Variants in PPP3CA observed in about 807,000 individuals in gnomAD.
PPP3CA encodes the protein protein phosphatase 3 catalytic subunit alpha.
Under a neutral mutation model 66.5 loss-of-function variants are expected in PPP3CA, and 14 were observed. The ratio of observed to expected loss-of-function variants is 0.21; its 90% CI spans 0.14 to 0.33. PPP3CA has a LOEUF of 0.33. PPP3CA is among the 10% of genes least tolerant of loss of function. The pLI is 1.00. For synonymous variants in PPP3CA, 232 were observed against 226.2 expected (o/e 1.03, Z -0.23); for missense variants, 317 against 639.5 (o/e 0.50, Z 5.44).
intron 2 of PPP3CA, among the ~76,000 whole-genome samples, chr4:101,157,440 G>A (rs1400990265): frequency 6.6e-6 from 1 of 152,176 alleles, no homozygotes; most frequent in East Asian, 1.9e-4. Context: ...GAAATGAAAA[G>A]TAGGACTTAG....
intron 2 of PPP3CA, among the ~76,000 whole-genome samples, chr4:101,151,558 CA>C (rs139727679): frequency 0.069 from 5,114 of 74,174 alleles, 135 homozygotes; most frequent in Middle Eastern, 0.24. Context: ...GACTCTGTAT[CA>C]AAAAAAAAAA....
chr4:101,139,331 G>C (rs553565434), intron 2 of PPP3CA, among the ~76,000 whole-genome samples: 4 of 132,734 alleles, frequency 3.0e-5, no homozygotes, highest in African/African-American at 6.2e-5. Context: ...CTGGGTGACA[G>C]AGTGAGACTC....
At chr4:101,039,550 C>T (rs552114593) in intron 11 of PPP3CA, among the ~76,000 whole-genome samples, 1 of 144,426 alleles carries the variant, frequency 6.9e-6, no homozygotes, top group African/African-American at 2.5e-5. Context: ...AGAGTTCTCA[C>T]TGCCTTTGAT....
chr4:101,241,126 T>TA lies in PPP3CA; in HGVS notation c.59-45011dup, dbSNP rs1322121759. On this transcript the variant is annotated intron_variant, in intron 1 of 13. Transcript: ENST00000394854. ...AAGCAATCCTCCTGCTTCAGCCTCC[T>TA]AAAGTTCTGGGATTACAAGCATAAG... 3.3e-5 allele frequency among the ~76,000 whole-genome samples: 5 copies of TA among 152,026 alleles called. No homozygotes were observed. The East Asian group carries it at 5.8e-4, about 18-fold the overall frequency.
chr4:101,115,295 G>C (rs553891272), intron 2 of PPP3CA, among the ~76,000 whole-genome samples: 1 of 151,918 alleles, frequency 6.6e-6, no homozygotes, highest in Non-Finnish European at 1.5e-5. Context: ...AGGCCTTTGA[G>C]AATAGAATCT....
intron 1 of PPP3CA, among the ~76,000 whole-genome samples, chr4:101,219,664 C>T (rs1366373178): frequency 2.0e-5 from 3 of 151,548 alleles, no homozygotes; most frequent in Non-Finnish European, 4.4e-5. Context: ...TAAGGCAATC[C>T]TAAAAGTAGT....
At chr4:101,059,199 CTA>C (rs1248245802) in intron 10 of PPP3CA, among the ~76,000 whole-genome samples, 1 of 152,052 alleles carries the variant, frequency 6.6e-6, no homozygotes, top group African/African-American at 2.4e-5. Context: ...CAAACTGTGG[CTA>C]TAACATATGA....
chr4:101,237,637 T>A (rs977075677), intron 1 of PPP3CA, among the ~76,000 whole-genome samples: 1 of 152,076 alleles, frequency 6.6e-6, no homozygotes, highest in Admixed American at 6.6e-5. Context: ...TTAATTCGTG[T>A]AATTTTGAAC....
intron 2 of PPP3CA, among the ~76,000 whole-genome samples, chr4:101,110,423 T>A (rs1009669099): frequency 6.6e-6 from 1 of 152,214 alleles, no homozygotes; most frequent in African/African-American, 2.4e-5. Context: ...AATTAGCTAC[T>A]AAGAACCCAC....
At chr4:101,091,821 C>CTAATAATAATAATAA (rs34522517) in intron 6 of PPP3CA, among the ~76,000 whole-genome samples, 7 of 138,830 alleles carry the variant, frequency 5.0e-5, no homozygotes, top group Admixed American at 1.5e-4. Flanking sequence ...TCTTCAGTAT[C>CTAATAATAATAATAA]TAATAATAAT....
intron 7 of PPP3CA, among the ~76,000 whole-genome samples, chr4:101,081,831 G>A (rs1166389215): frequency 3.4e-4 from 51 of 152,160 alleles, no homozygotes; most frequent in Non-Finnish European, 1.5e-5. Flanking sequence ...TTATGGAACT[G>A]AGCTTCGTTA....
intron 2 of PPP3CA, among the ~76,000 whole-genome samples, chr4:101,123,280 G>A (rs1378050310): frequency 6.6e-6 from 1 of 152,150 alleles, no homozygotes; most frequent in Non-Finnish European, 1.5e-5. Context: ...CTGAATGAAT[G>A]AAGGAACAAT....
intron 1 of PPP3CA, among the ~76,000 whole-genome samples, chr4:101,293,778 T>C (rs904159205): frequency 1.3e-5 from 2 of 152,248 alleles, no homozygotes; most frequent in Non-Finnish European, 2.9e-5. Context: ...AGCTGAACCA[T>C]GTGATTGCTA....
chr4:101,274,060 C>T (rs1370939369), intron 1 of PPP3CA, among the ~76,000 whole-genome samples: 2 of 152,126 alleles, frequency 1.3e-5, no homozygotes, highest in Non-Finnish European at 2.9e-5. Flanking sequence ...AATCCCAGCA[C>T]TTTGGGAGGC....
chr4:101,346,510 C>G (rs1007384751), intron 1 of PPP3CA, among the ~76,000 whole-genome samples: 2 of 152,152 alleles, frequency 1.3e-5, no homozygotes, highest in African/African-American at 4.8e-5. Flanking sequence ...CTGACGCCCC[C>G]GTCAATAAAA....
chr4:101,196,143 C>T (rs768092724), intron 1 of PPP3CA, 27 bp from the exon 2 acceptor site: 3 of 1,602,338 alleles, frequency 1.9e-6, no homozygotes, highest in Non-Finnish European at 2.6e-6. Flanking sequence ...CTAATTATTA[C>T]ATTAGCCAAA....
intron 1 of PPP3CA, among the ~76,000 whole-genome samples, chr4:101,238,312 C>T (rs972898983): frequency 1.3e-5 from 2 of 151,806 alleles, no homozygotes; most frequent in African/African-American, 2.4e-5. Flanking sequence ...ATACCTTGTC[C>T]TTCACTCTGA....
intron 11 of PPP3CA, among the ~76,000 whole-genome samples, chr4:101,035,343 T>C (rs556568109): frequency 5.1e-4 from 78 of 152,148 alleles, no homozygotes; most frequent in Non-Finnish European, 1.0e-3. Flanking sequence ...CAACCCATAA[T>C]GCTCTGAGAA....
At chr4:101,321,910 T>C (rs1729052268) in intron 1 of PPP3CA, among the ~76,000 whole-genome samples, 1 of 152,192 alleles carries the variant, frequency 6.6e-6, no homozygotes, top group African/African-American at 2.4e-5. Flanking sequence ...CAACAGAGGA[T>C]GTCTTCACTG....
Sources: allele counts gnomAD v4.1 joint callset (sites outside exome capture counted in the v4.1 genomes callset), GRCh38; gene constraint gnomAD v4.1.1; transcripts MANE v1.5; gene names NCBI Gene and HGNC (gene_info 2026-07-23, HGNC 2026-07-21).